The following CTNNA3 variants were observed in gnomAD, a reference collection of about 807,000 sequenced individuals.
CTNNA3 encodes catenin alpha-3.
A neutral mutation model predicts 95.7 loss-of-function variants in CTNNA3; 76 were observed. The ratio of observed to expected loss-of-function variants is 0.79; its 90% CI spans 0.66 to 0.96. The LOEUF (loss-of-function observed/expected upper bound fraction) is 0.96. Among genes scored for constraint, CTNNA3 ranks in the 40% least tolerant of loss-of-function variants. The pLI, the probability that CTNNA3 is intolerant of heterozygous loss-of-function variation, is 0.00. For missense variants in CTNNA3, 1,191 were observed against 1,089.8 expected (o/e 1.09, Z -1.31); for synonymous variants, 431 against 374.4 (o/e 1.15, Z -1.74).
At chr10:67,356,164 T>C in intron 5 of CTNNA3, among the ~76,000 whole-genome samples, 1 of 152,016 alleles carries the variant, frequency 6.6e-6, no homozygotes, top group East Asian at 1.9e-4. Context: ...ATAAAGTCCC[T>C]CATGTTCTAT....
intron 5 of CTNNA3, among the ~76,000 whole-genome samples, chr10:67,330,634 C>CCTG (rs1454104252): frequency 6.6e-6 from 1 of 152,006 alleles, no homozygotes; most frequent in Non-Finnish European, 1.5e-5. Flanking sequence ...CATGGTGAGT[C>CCTG]CTGCTGCCAC....
chr10:67,349,478 C>G (rs1405642915), intron 5 of CTNNA3, among the ~76,000 whole-genome samples: 4 of 151,970 alleles, frequency 2.6e-5, no homozygotes, highest in Admixed American at 6.6e-5. Context: ...ATGATTCCAC[C>G]TATATGAAGT....
chr10:66,961,107 G>A (rs553246209), intron 7 of CTNNA3, among the ~76,000 whole-genome samples: 3 of 152,086 alleles, frequency 2.0e-5, no homozygotes, highest in African/African-American at 7.2e-5. Context: ...CAATAGCAAG[G>A]TCTTCTAGCA....
chr10:67,614,077 T>G (rs1843567161), intron 2 of CTNNA3, among the ~76,000 whole-genome samples: 1 of 152,250 alleles, frequency 6.6e-6, no homozygotes, highest in South Asian at 2.1e-4. Flanking sequence ...TTGCCACTGC[T>G]GGCTGGAGTG....
chr10:67,389,771 A>C (rs1271431790), intron 5 of CTNNA3, among the ~76,000 whole-genome samples: 3 of 151,934 alleles, frequency 2.0e-5, no homozygotes, highest in African/African-American at 7.3e-5. Flanking sequence ...AAAACCGCTC[A>C]ACTACATGGA....
chr10:66,451,173 G>T (rs1002256766), intron 11 of CTNNA3, among the ~76,000 whole-genome samples: 2 of 152,138 alleles, frequency 1.3e-5, no homozygotes, highest in Non-Finnish European at 2.9e-5. Flanking sequence ...ATGCTTGATT[G>T]CAATAATGAT....
chr10:66,372,939 C>G (rs1034814805), intron 12 of CTNNA3, among the ~76,000 whole-genome samples: 5 of 152,128 alleles, frequency 3.3e-5, no homozygotes, highest in Non-Finnish European at 7.4e-5. Context: ...GGTGGGGACA[C>G]AGCCAAACCA....
intron 7 of CTNNA3, among the ~76,000 whole-genome samples, chr10:66,890,375 CA>C (rs760880098): frequency 0.011 from 1,301 of 119,168 alleles, 4 homozygotes; most frequent in Middle Eastern, 0.022. Flanking sequence ...ATTTCAGAAT[CA>C]AAAAAAAAAA....
At chr10:66,503,963 A>G (rs533631499) in intron 11 of CTNNA3, among the ~76,000 whole-genome samples, 1 of 152,276 alleles carries the variant, frequency 6.6e-6, no homozygotes, top group African/African-American at 2.4e-5. Context: ...TGTGGTGTAC[A>G]ACATGATGTT....
intron 5 of CTNNA3, among the ~76,000 whole-genome samples, chr10:67,376,642 T>C (rs1843700581): frequency 6.6e-6 from 1 of 152,244 alleles, no homozygotes; most frequent in South Asian, 2.1e-4. Flanking sequence ...CTTTATGTTA[T>C]GCTATGGTTA....
At position 67,282,908 on chromosome 10, in the gene CTNNA3, G is replaced by T. The variant is rs138852212; in HGVS notation, c.580-63038C>A. On this transcript the variant is annotated intron_variant, in intron 5 of 17. Coordinates refer to ENST00000433211, the MANE Select transcript of CTNNA3 (RefSeq NM_013266.4). ...AAAACTAGAATCTCTCTTCCCCAAG[G>T]TGGGTCATAGAAAGCAGGACCCCTT... is the stretch of plus-strand genomic sequence containing the variant. Among the ~76,000 whole-genome samples the T allele has an allele frequency of 4.7e-4, 71 of 152,254 alleles. No homozygotes were observed. The East Asian group carries it at 0.012, about 26-fold the overall frequency.
intron 5 of CTNNA3, among the ~76,000 whole-genome samples, chr10:67,316,640 C>T (rs770307533): frequency 6.6e-6 from 1 of 152,138 alleles, no homozygotes; most frequent in Non-Finnish European, 1.5e-5. Context: ...CCATTCATTG[C>T]ATCATTGGTT....
intron 7 of CTNNA3, among the ~76,000 whole-genome samples, chr10:67,009,348 A>G (rs2133029791): frequency 6.6e-6 from 1 of 151,422 alleles, no homozygotes; most frequent in East Asian, 1.9e-4. Context: ...GCTTTTCTCC[A>G]TATTTCTAAC....
chr10:66,338,836 A>G (rs1264143793), intron 12 of CTNNA3, among the ~76,000 whole-genome samples: 1 of 151,910 alleles, frequency 6.6e-6, no homozygotes, highest in Non-Finnish European at 1.5e-5. Context: ...TATACTGTGA[A>G]AATTTATCCT....
At chr10:67,492,802 A>G (rs1838894198) in intron 5 of CTNNA3, among the ~76,000 whole-genome samples, 1 of 152,206 alleles carries the variant, frequency 6.6e-6, no homozygotes, top group Admixed American at 6.5e-5. Flanking sequence ...AGTAATAACT[A>G]TACTGATACT....
At chr10:66,575,126 C>T (rs1842969628) in intron 10 of CTNNA3, among the ~76,000 whole-genome samples, 2 of 152,138 alleles carry the variant, frequency 1.3e-5, no homozygotes, top group Non-Finnish European at 2.9e-5. Flanking sequence ...TAAACCCATG[C>T]ACCGTCCTAG....
At chr10:66,957,470 G>GCATATATATATA (rs1848884385) in intron 7 of CTNNA3, among the ~76,000 whole-genome samples, 1 of 124,126 alleles carries the variant, frequency 8.1e-6, no homozygotes, top group Non-Finnish European at 1.7e-5. Context: ...ATATATATAT[G>GCATATATATATA]TTTGATCCTG....
chr10:66,067,768 T>C (rs1333594018), intron 15 of CTNNA3, among the ~76,000 whole-genome samples: 2 of 151,900 alleles, frequency 1.3e-5, no homozygotes, highest in Non-Finnish European at 2.9e-5. Context: ...ATACAAAAAT[T>C]AGCTGGGTGT....
At chr10:67,579,946 G>A (rs1376423253) in intron 3 of CTNNA3, among the ~76,000 whole-genome samples, 1 of 152,132 alleles carries the variant, frequency 6.6e-6, no homozygotes, top group Non-Finnish European at 1.5e-5. Flanking sequence ...TATCGATTCT[G>A]GATATTAGCC....
Sources: gnomAD v4.1 joint callset for allele counts (sites outside exome capture counted in the v4.1 genomes callset) on GRCh38, gnomAD v4.1.1 for gene constraint, MANE v1.5 for transcripts, NCBI Gene and HGNC (gene_info 2026-07-23, HGNC 2026-07-21) for gene names.